Variants in PARPBP observed in about 807,000 individuals in gnomAD.
PARPBP encodes PCNA-interacting partner.
PARPBP carries 52 observed loss-of-function variants against 50.0 expected under a neutral mutation model. That is an observed-to-expected ratio of 1.04 (90% confidence interval 0.83 to 1.31). The LOEUF is 1.31. PARPBP is among the 50% of genes most tolerant of loss of function. PARPBP has a pLI of 0.00. For missense variants in PARPBP, 697 were observed against 672.0 expected (o/e 1.04, Z -0.41); for synonymous variants, 244 against 232.1 (o/e 1.05, Z -0.47).
At position 102,147,883 on chromosome 12, in the gene PARPBP, C is replaced by T. The variant is rs533717530; in HGVS notation, c.154-347C>T. ...AACTAAAAAGAATCAAAATTTTCCCCCATCAATAGTACTTAAGTATAGTTT... is the reference window on the plus strand; with the variant it reads ...AACTAAAAAGAATCAAAATTTTCCCTCATCAATAGTACTTAAGTATAGTTT... On this transcript the variant is annotated intron_variant, in intron 2 of 10. Transcript: ENST00000327680. Among the ~76,000 whole-genome samples, 12 of 152,062 alleles carry T rather than the reference C, an allele frequency of 7.9e-5. No homozygotes were observed. In the South Asian group the frequency reaches 1.5e-3, roughly 18 times the overall value.
chr12:102,178,664 T>C lies in PARPBP; in HGVS notation c.1078T>C (p.Leu360=), dbSNP rs1889531499. 1 of 1,613,700 alleles carries C rather than the reference T, an allele frequency of 6.2e-7. No individual in the cohort carries two copies. Among genetic ancestry groups the C allele is most frequent in the Non-Finnish European group, 8.5e-7 (1 of 1,179,710 alleles). Reference sequence around the variant, plus strand: ...TACTGTGAAAGCCTTATTAGTTCTTTTGGACGAAGAAGCAGCTAATGCTCC... The same window carrying C: ...TACTGTGAAAGCCTTATTAGTTCTTCTGGACGAAGAAGCAGCTAATGCTCC... ...RDTVKALLVL[L]DEEAANAPTK... Residue 360 remains leucine (L), a synonymous_variant, in exon 8 of 11, where the codon TTG becomes CTG. Transcript: ENST00000327680.
rs1465412292 is a variant in PARPBP, at chr12:102,182,543, A to G, written c.1185-6A>G. ...TAAATTTTTGCCTTTTTTTTTTTTG[A>G]CATAGGTCTCCCACACAGGTGAATA... On this transcript the variant is annotated splice_region_variant and splice_polypyrimidine_tract_variant and intron_variant, in intron 8 of 10. Coordinates refer to ENST00000327680, the MANE Select transcript of PARPBP (RefSeq NM_017915.5). The G allele has an allele frequency of 1.3e-6, 2 of 1,556,202 alleles. No homozygotes were observed. The highest frequency in any genetic ancestry group is 1.2e-5 in the South Asian group (1 of 86,264).
chr12:102,153,012 G>T (rs1565875371), intron 3 of PARPBP, among the ~76,000 whole-genome samples: 1 of 151,200 alleles, frequency 6.6e-6, no homozygotes, highest in Non-Finnish European at 1.5e-5. Context: ...ATAATAATTT[G>T]ATATAAATAT....
intron 2 of PARPBP, among the ~76,000 whole-genome samples, chr12:102,124,386 G>A (rs1318143792): frequency 6.6e-6 from 1 of 152,048 alleles, no homozygotes; most frequent in African/African-American, 2.4e-5. Flanking sequence ...AAAAACTACT[G>A]GCTCTTGTAC....
intron 1 of PARPBP, chr12:102,120,589 T>A (rs1278035843): frequency 1.8e-5 from 8 of 436,956 alleles, no homozygotes; most frequent in Non-Finnish European, 3.2e-5. Flanking sequence ...CTAGTCCCAC[T>A]ATGTACACGG....
At chr12:102,155,601 G>GC (rs1555216794) in intron 4 of PARPBP, among the ~76,000 whole-genome samples, 4 of 123,560 alleles carry the variant, frequency 3.2e-5, no homozygotes, top group Non-Finnish European at 6.8e-5. Flanking sequence ...TGGTGGGGGG[G>GC]GGGGGCGGGG....
intron 3 of PARPBP, among the ~76,000 whole-genome samples, chr12:102,150,049 A>T (rs928272097): frequency 6.6e-6 from 1 of 152,088 alleles, no homozygotes; most frequent in Non-Finnish European, 1.5e-5. Context: ...AAGTCCTCTA[A>T]TAAGTTTCCT....
In PARPBP at chr12:102,196,203, T is replaced by C. The variant is rs753182527; in HGVS notation, c.1652T>C (p.Leu551Pro). 6.2e-7 allele frequency: 1 copy of C among 1,611,338 alleles called. No individual in the cohort carries two copies. Among genetic ancestry groups the C allele is most frequent in the Non-Finnish European group, 8.5e-7 (1 of 1,178,502 alleles). Residue 551 changes from leucine (L) to proline (P), a missense_variant, in exon 11 of 11, where the codon CTA becomes CCA. Transcript: ENST00000327680. ...NDSQNRLYGK[L>P]AKVAKSNKCT... is the part of the protein sequence containing the mutation. The stretch of plus-strand genomic sequence containing the variant: ...TCACAGAATAGATTGTACGGCAAAC[T>C]AGCTAAAGTAGCAAAAAGTAATAAA...
At chr12:102,128,695 T>C (rs1259899310) in intron 2 of PARPBP, among the ~76,000 whole-genome samples, 6 of 152,254 alleles carry the variant, frequency 3.9e-5, no homozygotes, top group African/African-American at 1.4e-4. Context: ...TTCCATTGTG[T>C]ATATATACCA....
At chr12:102,186,762 A>G (rs1437357790) in intron 9 of PARPBP, among the ~76,000 whole-genome samples, 1 of 152,150 alleles carries the variant, frequency 6.6e-6, no homozygotes, top group Admixed American at 6.6e-5. Flanking sequence ...TCTAATGTTT[A>G]TAGCATATTA....
At chr12:102,189,190 T>C (rs1890576071) in intron 9 of PARPBP, among the ~76,000 whole-genome samples, 3 of 152,158 alleles carry the variant, frequency 2.0e-5, no homozygotes, top group Admixed American at 2.0e-4. Flanking sequence ...GAAGAGAGGG[T>C]GGACAAATGC....
At chr12:102,182,500 A>T in intron 8 of PARPBP, 49 bp from the exon 9 acceptor site, 1 of 1,314,988 alleles carries the variant, frequency 7.6e-7, no homozygotes, top group Non-Finnish European at 1.1e-6. Flanking sequence ...AGGGAAACAA[A>T]CATTCCAACC....
chr12:102,192,514 G>A (rs1205407682), intron 9 of PARPBP, among the ~76,000 whole-genome samples: 1 of 152,008 alleles, frequency 6.6e-6, no homozygotes, highest in African/African-American at 2.4e-5. Context: ...GCTCAGTCAA[G>A]TTCATATCAA....
intron 9 of PARPBP, among the ~76,000 whole-genome samples, chr12:102,188,161 G>C (rs1890472444): frequency 2.0e-5 from 3 of 152,038 alleles, no homozygotes; most frequent in Admixed American, 2.0e-4. Context: ...CACATACTCT[G>C]AATTTTGTAG....
At chr12:102,187,599 C>A (rs573850932) in intron 9 of PARPBP, among the ~76,000 whole-genome samples, 4 of 152,192 alleles carry the variant, frequency 2.6e-5, no homozygotes, top group Admixed American at 2.0e-4. Flanking sequence ...AGTGCAGAAC[C>A]CAGAAATTTT....
rs752758853 is a variant in PARPBP, at chr12:102,195,407, A to G, written c.1359A>G (p.Ser453=). The part of the protein sequence containing the change: ...KDNWNNVNLA[S]KPLCVLYMEN... The stretch of plus-strand genomic sequence containing the variant: ...ATTGGAATAATGTTAATTTAGCATC[A>G]AAGCCTTTGTGTGTTCTTTACATGG... Residue 453 remains serine (S), a synonymous_variant, in exon 10 of 11, where the codon TCA becomes TCG. Transcript: ENST00000327680. 4.4e-6 allele frequency: 7 copies of G among 1,596,760 alleles called. No homozygotes were observed. In the Admixed American group the frequency reaches 1.2e-4, roughly 27 times the overall value.
At chr12:102,154,172 C>T (rs1298430769) in intron 4 of PARPBP, among the ~76,000 whole-genome samples, 196 bp downstream of exon 4, 1 of 151,998 alleles carries the variant, frequency 6.6e-6, no homozygotes, top group East Asian at 1.9e-4. Context: ...TGGTTTGGGG[C>T]CAAGGTAACA....
At chr12:102,148,593 A>G (rs1007081872) in intron 3 of PARPBP, 130 bp downstream of exon 3, 1 of 487,756 alleles carries the variant, frequency 2.1e-6, no homozygotes, top group African/African-American at 2.0e-5. Flanking sequence ...AAAATGGGAA[A>G]ATTTAGCTAC....
chr12:102,187,967 T>C (rs1890452254), intron 9 of PARPBP, among the ~76,000 whole-genome samples: 1 of 152,182 alleles, frequency 6.6e-6, no homozygotes, highest in Non-Finnish European at 1.5e-5. Flanking sequence ...AGAAGTCTAT[T>C]GTCAGCTGCT....
Sources: allele counts gnomAD v4.1 joint callset (sites outside exome capture counted in the v4.1 genomes callset), GRCh38; gene constraint gnomAD v4.1.1; transcripts MANE v1.5; gene names NCBI Gene and HGNC (gene_info 2026-07-23, HGNC 2026-07-21).